Variants in FGD3 observed in about 807,000 individuals in gnomAD.
The protein encoded by FGD3 is FYVE, RhoGEF and PH domain containing 3, also known as FYVE, RhoGEF and PH domain-containing protein 3.
In FGD3, 45 loss-of-function variants were observed where a neutral mutation model predicts 71.8. That is an observed-to-expected ratio of 0.63 (90% CI 0.49 to 0.80). FGD3 has a LOEUF of 0.80. Ranked by LOEUF, FGD3 falls within the 30% of genes least tolerant of loss-of-function variation. The probability of loss-of-function intolerance (pLI) is 0.00; values close to 1 mark genes in which losing one functional copy is unlikely to be tolerated. For missense variants in FGD3, 844 were observed against 951.5 expected (o/e 0.89, Z 1.49); for synonymous variants, 378 against 392.8 (o/e 0.96, Z 0.44).
At chr9:93,009,309 A>C (rs991186123) in intron 6 of FGD3, among the ~76,000 whole-genome samples, 4 of 152,210 alleles carry the variant, frequency 2.6e-5, no homozygotes, top group African/African-American at 9.6e-5. Context: ...GATTATGTGA[A>C]TATCTTGACA....
intron 16 of FGD3, 138 bp from the exon 17 acceptor site, chr9:93,034,403 A>G: frequency 8.5e-7 from 1 of 1,182,574 alleles, no homozygotes; most frequent in Non-Finnish European, 1.2e-6. Context: ...GGCTGGTCCC[A>G]GTCTCTGTGC....
intron 6 of FGD3, 90 bp downstream of exon 6, chr9:93,006,270 A>T: frequency 8.1e-7 from 1 of 1,230,734 alleles, no homozygotes. Flanking sequence ...GTATATATGT[A>T]TATTTTACTC....
intron 3 of FGD3, among the ~76,000 whole-genome samples, chr9:92,997,014 T>C (rs910113704): frequency 2.7e-4 from 41 of 152,212 alleles, no homozygotes; most frequent in Admixed American, 2.5e-3. Context: ...AGAGCTGAGT[T>C]CAATTCCTGG....
At chr9:92,966,828 G>A (rs1337302107) in intron 1 of FGD3, among the ~76,000 whole-genome samples, 1 of 152,234 alleles carries the variant, frequency 6.6e-6, no homozygotes, top group African/African-American at 2.4e-5. Context: ...CTTGCCCTTC[G>A]CACCTTGTCA....
At chr9:92,966,471 T>C (rs1345920021) in intron 1 of FGD3, among the ~76,000 whole-genome samples, 1 of 152,216 alleles carries the variant, frequency 6.6e-6, no homozygotes, top group African/African-American at 2.4e-5. Context: ...ATTGAACCCC[T>C]AACAATAATC....
At chr9:92,986,867 G>A (rs1244349076) in intron 3 of FGD3, among the ~76,000 whole-genome samples, 1 of 152,212 alleles carries the variant, frequency 6.6e-6, no homozygotes, top group Admixed American at 6.5e-5. Context: ...GGTCATCCGA[G>A]CTGGTAGGGT....
intron 15 of FGD3, among the ~76,000 whole-genome samples, chr9:93,030,981 G>A (rs1247493111): frequency 2.0e-5 from 3 of 152,212 alleles, no homozygotes; most frequent in Middle Eastern, 3.4e-3. Context: ...ATGAACAGAC[G>A]AATAGTTGGA....
intron 8 of FGD3, among the ~76,000 whole-genome samples, chr9:93,012,687 C>CGGGGGGG (rs1279341124): frequency 7.8e-4 from 46 of 58,976 alleles, no homozygotes; most frequent in African/African-American, 3.5e-3. Flanking sequence ...TGGGCGGTGG[C>CGGGGGGG]GGGGTGTGGG....
intron 1 of FGD3, among the ~76,000 whole-genome samples, chr9:92,963,463 C>G (rs1408711538): frequency 6.6e-6 from 1 of 152,060 alleles, no homozygotes; most frequent in Non-Finnish European, 1.5e-5. Context: ...CAATGCCCAG[C>G]TGATTTTTGT....
At chr9:93,034,859 C>G (rs1206534370) in intron 17 of FGD3, among the ~76,000 whole-genome samples, 178 bp downstream of exon 17, 1 of 152,178 alleles carries the variant, frequency 6.6e-6, no homozygotes, top group East Asian at 1.9e-4. Context: ...GGAGACAGAA[C>G]CTACTGGCAC....
In FGD3 at chr9:93,035,886, G is replaced by C; in HGVS notation, c.*297G>C. On this transcript the variant is annotated 3_prime_UTR_variant, in exon 18 of 18. Transcript: ENST00000375482. ...CCATATGGGCCGTGTGGTGATGCTG[G>C]CCCGGAAGGCAGAAAGAGGCAGCAT... 1 of 367,746 alleles carries C rather than the reference G, an allele frequency of 2.7e-6. No homozygotes were observed. Among genetic ancestry groups the C allele is most frequent in the Non-Finnish European group, 4.9e-6 (1 of 204,496 alleles). 22.8% of individuals were successfully genotyped at this position (367,746 alleles called of 1,614,324 possible).
intron 6 of FGD3, among the ~76,000 whole-genome samples, chr9:93,009,409 C>T (rs549221211): frequency 4.6e-5 from 7 of 152,322 alleles, no homozygotes; most frequent in South Asian, 2.1e-4. Context: ...AGCTGGAAGC[C>T]GTTCTGTTCT....
At chr9:93,023,810 T>C (rs1862020007) in intron 14 of FGD3, among the ~76,000 whole-genome samples, 2 of 146,760 alleles carry the variant, frequency 1.4e-5, no homozygotes, top group Admixed American at 1.4e-4. Flanking sequence ...TTTTTTTTTT[T>C]TTTTTTTTTT....
At chr9:93,006,002 G>A (rs762369554) in intron 5 of FGD3, 22 bp from the exon 6 acceptor site, 13 of 1,579,566 alleles carry the variant, frequency 8.2e-6, no homozygotes, top group Non-Finnish European at 1.1e-5. Context: ...CTATTTCTCT[G>A]ATGATTCATT....
chr9:93,034,292 T>A (rs995095338), intron 16 of FGD3: 11 of 465,330 alleles, frequency 2.4e-5, no homozygotes, highest in Non-Finnish European at 4.2e-5. Flanking sequence ...TGACCCAGCA[T>A]ATGGATGCCC....
At chr9:93,005,058 A>G (rs947180967) in intron 5 of FGD3, among the ~76,000 whole-genome samples, 7 of 152,080 alleles carry the variant, frequency 4.6e-5, no homozygotes, top group African/African-American at 1.7e-4. Flanking sequence ...TCATGAGTGC[A>G]TGTGTGACCT....
intron 6 of FGD3, among the ~76,000 whole-genome samples, chr9:93,008,886 G>C (rs1394316650): frequency 6.6e-6 from 1 of 151,452 alleles, no homozygotes; most frequent in South Asian, 2.1e-4. Context: ...AATTGCTTGA[G>C]CCGGGGAGGC....
chr9:92,993,471 T>G (rs1411857709), intron 3 of FGD3, among the ~76,000 whole-genome samples: 1 of 152,138 alleles, frequency 6.6e-6, no homozygotes, highest in Non-Finnish European at 1.5e-5. Context: ...TTTTTCTTTT[T>G]TATTATTATT....
chr9:93,031,150 C>G (rs1587874639), intron 15 of FGD3, among the ~76,000 whole-genome samples: 1 of 152,074 alleles, frequency 6.6e-6, no homozygotes, highest in Admixed American at 6.6e-5. Flanking sequence ...GATGGATGGG[C>G]AGGCAAGTGG....
Sources: gnomAD v4.1 joint callset for allele counts (sites outside exome capture counted in the v4.1 genomes callset) on GRCh38, gnomAD v4.1.1 for gene constraint, MANE v1.5 for transcripts, NCBI Gene and HGNC (gene_info 2026-07-23, HGNC 2026-07-21) for gene names.